The following STAT5B variants were observed in gnomAD, a reference collection of about 807,000 sequenced individuals.
STAT5B encodes the protein transcription factor STAT5B.
Under a neutral mutation model 107.8 loss-of-function variants are expected in STAT5B, and 21 were observed. The ratio of observed to expected loss-of-function variants is 0.19; its 90% CI spans 0.14 to 0.28. The LOEUF (loss-of-function observed/expected upper bound fraction) is 0.28, where lower values mean the gene tolerates loss of function less well. STAT5B is among the 10% of genes least tolerant of loss of function. STAT5B has a pLI of 1.00. For synonymous variants in STAT5B, 325 were observed against 401.7 expected, an observed-to-expected ratio of 0.81 and a Z score of 2.28; for missense variants, 565 against 1,008.2, an observed-to-expected ratio of 0.56 and a Z score of 5.95.
At chr17:42,218,417 C>A in intron 8 of STAT5B, 87 bp from the exon 9 acceptor site, 1 of 1,552,898 alleles carries the variant, frequency 6.4e-7, no homozygotes, top group Non-Finnish European at 8.7e-7. Context: ...GGTGGGGCTG[C>A]CTCCCGAGGG....
chr17:42,266,707 A>AT (rs1041988939), intron 1 of STAT5B, among the ~76,000 whole-genome samples: 8 of 150,456 alleles, frequency 5.3e-5, no homozygotes, highest in East Asian at 3.9e-4. Flanking sequence ...CCCTGTCTCT[A>AT]TTTTTTTTTA....
chr17:42,217,855 C>T, intron 9 of STAT5B: 3 of 451,346 alleles, frequency 6.6e-6, no homozygotes, highest in Non-Finnish European at 1.2e-5. Flanking sequence ...CAGGTGCCTG[C>T]CACCACGCCC....
the STAT5B span, among the ~76,000 whole-genome samples, chr17:42,287,334 C>CG: frequency 8.6e-5 from 13 of 150,554 alleles, no homozygotes; most frequent in African/African-American, 3.2e-4. Flanking sequence ...GAATGCACCC[C>CG]CCCCAACAGA....
At chr17:42,219,111 T>C (rs2140103) in intron 7 of STAT5B, among the ~76,000 whole-genome samples, 22 of 152,064 alleles carry the variant, frequency 1.4e-4, no homozygotes, top group Admixed American at 1.4e-3. Flanking sequence ...CCCTGTCCCA[T>C]CTCCAGGACA....
intron 2 of STAT5B, among the ~76,000 whole-genome samples, chr17:42,231,108 TAAGA>T (rs1445530091): frequency 1.3e-5 from 2 of 152,090 alleles, no homozygotes; most frequent in African/African-American, 2.4e-5. Flanking sequence ...TAATAAACTA[TAAGA>T]AATAAATTAT....
chr17:42,238,914 C>T (rs1165425057), intron 1 of STAT5B, among the ~76,000 whole-genome samples: 1 of 150,762 alleles, frequency 6.6e-6, no homozygotes, highest in African/African-American at 2.4e-5. Flanking sequence ...AACAGCAAGG[C>T]TTTGATTTTG....
intron 1 of STAT5B, among the ~76,000 whole-genome samples, chr17:42,241,476 T>C (rs1308856580): frequency 6.6e-6 from 1 of 151,228 alleles, no homozygotes; most frequent in Admixed American, 6.6e-5. Flanking sequence ...AGAGTCTTGC[T>C]CTGTCACCCA....
intron 15 of STAT5B, among the ~76,000 whole-genome samples, chr17:42,209,205 A>C (rs1321319086): frequency 6.6e-6 from 1 of 151,708 alleles, no homozygotes; most frequent in African/African-American, 2.4e-5. Flanking sequence ...CACCATGCCC[A>C]CCTAATTAAC....
At chr17:42,228,958 A>C (rs2144286864) in intron 2 of STAT5B, among the ~76,000 whole-genome samples, 1 of 152,336 alleles carries the variant, frequency 6.6e-6, no homozygotes, top group Non-Finnish European at 1.5e-5. Flanking sequence ...AACAAAACAA[A>C]AAAAGCAGTG....
intron 1 of STAT5B, among the ~76,000 whole-genome samples, chr17:42,239,027 A>T (rs1284686975): frequency 6.6e-6 from 1 of 151,726 alleles, no homozygotes; most frequent in Non-Finnish European, 1.5e-5. Context: ...AGGTGGGTGG[A>T]TCATGAGGTC....
chr17:42,262,804 ATATATACACACATATATATGTG>A (rs2080614321), intron 1 of STAT5B, among the ~76,000 whole-genome samples: 1 of 100,756 alleles, frequency 9.9e-6, no homozygotes, highest in African/African-American at 4.8e-5. Flanking sequence ...ATATGTGTGT[ATATATACACACATATATATGTG>A]TATATATACA....
At chr17:42,209,240 A>G (rs2080109931) in intron 15 of STAT5B, among the ~76,000 whole-genome samples, 1 of 151,058 alleles carries the variant, frequency 6.6e-6, no homozygotes, top group African/African-American at 2.4e-5. Context: ...ATTTACTTAG[A>G]GACAGGGTCT....
At position 42,217,238 on chromosome 17, in the gene STAT5B, C is replaced by T. The variant is rs765151427; in HGVS notation, c.1302G>A (p.Ser434=). The T allele has an allele frequency of 3.1e-6, 5 of 1,614,010 alleles. No individual in the cohort carries two copies. Among genetic ancestry groups the T allele is most frequent in the East Asian group, 2.2e-5 (1 of 44,896 alleles). Residue 434 remains serine (S), a synonymous_variant, in exon 11 of 19, where the codon TCG becomes TCA. Transcript: ENST00000293328. The part of the protein sequence containing the change: ...IKRSDRRGAE[S]VTEEKFTILF... ...GGATTGTAAATTTTTCTTCTGTCAC[C>T]GACTCTGCCCCACGACGGTCTGACC...
At chr17:42,240,901 C>A (rs1262272120) in intron 1 of STAT5B, among the ~76,000 whole-genome samples, 2 of 152,142 alleles carry the variant, frequency 1.3e-5, no homozygotes, top group Admixed American at 1.3e-4. Context: ...CTGATTTTGG[C>A]AAAGGCTAGG....
intron 1 of STAT5B, among the ~76,000 whole-genome samples, chr17:42,252,599 C>T (rs951756164): frequency 2.6e-5 from 4 of 152,142 alleles, no homozygotes; most frequent in African/African-American, 4.8e-5. Flanking sequence ...TCAGTTATTT[C>T]CTTCAGGATA....
At chr17:42,262,930 ATATGTATATATATGTGTG>A (rs1174156509) in intron 1 of STAT5B, among the ~76,000 whole-genome samples, 1 of 89,254 alleles carries the variant, frequency 1.1e-5, no homozygotes, top group East Asian at 3.9e-4. Flanking sequence ...GTGTATATAT[ATATGTATATATATGTGTG>A]TGTGTGTGTG....
chr17:42,217,331 T>A, intron 10 of STAT5B, 46 bp downstream of exon 10: 1 of 1,614,186 alleles, frequency 6.2e-7, no homozygotes, highest in Non-Finnish European at 8.5e-7. Flanking sequence ...GTTGTTCCCC[T>A]CAAAGACCAG....
rs751214121 is a variant in STAT5B, at chr17:42,201,802, C to T, written c.2300G>A (p.Arg767Gln). Residue 767 changes from arginine to glutamine, a missense_variant, in exon 19 of 19, where the codon CGG becomes CAG. Arg to Gln is a conservative substitution (Grantham distance 43). Transcript: ENST00000293328. ...CCGGCCCAGGAGCTCCTCCACACGC[C>T]GCGCTACGTCCATTGTGTCCTCCAG... The part of the protein sequence containing the change: ...FDLEDTMDVA[R>Q]RVEELLGRPM... 5.0e-6 allele frequency: 8 copies of T among 1,613,960 alleles called. No individual in the cohort carries two copies. The highest frequency in any genetic ancestry group is 2.2e-5 in the South Asian group (2 of 91,086).
chr17:42,221,131 TAGCCAGGAAC>T (rs1236177327), intron 5 of STAT5B, among the ~76,000 whole-genome samples: 55 of 152,288 alleles, frequency 3.6e-4, no homozygotes, highest in African/African-American at 1.3e-3. Context: ...CAACTCTATG[TAGCCAGGAAC>T]AGCCCAGAGC....
Sources: gnomAD v4.1 joint callset for allele counts (sites outside exome capture counted in the v4.1 genomes callset) on GRCh38, gnomAD v4.1.1 for gene constraint, MANE v1.5 for transcripts, NCBI Gene and HGNC (gene_info 2026-07-23, HGNC 2026-07-21) for gene names.